PARD3B: variants seen among roughly 807,000 people sequenced by gnomAD.
PARD3B encodes partitioning defective 3 homolog B.
PARD3B carries 103 observed loss-of-function variants against 130.2 expected under a neutral mutation model. The observed-to-expected ratio is 0.79, with a 90% confidence interval of 0.67 to 0.93. The LOEUF (loss-of-function observed/expected upper bound fraction) is 0.93, where lower values mean the gene tolerates loss of function less well. Among genes scored for constraint, PARD3B ranks in the 40% least tolerant of loss-of-function variants. The pLI, the probability that PARD3B is intolerant of heterozygous loss-of-function variation, is 0.00. For missense variants in PARD3B, 1,609 were observed against 1,499.2 expected (o/e 1.07, Z -1.21); for synonymous variants, 583 against 553.2 (o/e 1.05, Z -0.76).
rs2289023 is a variant in PARD3B at position 205,121,597 on chromosome 2, A to G, written c.813A>G (p.Gln271=). The change falls in exon 8 of 23, where the codon CAA becomes CAG. Residue 271 remains glutamine (Q), a synonymous_variant. Transcript: ENST00000406610. The surrounding 1 kb of genome is among the most constrained non-coding windows in gnomAD (Gnocchi z 5.0). ...TTATCAACTTTCTTTCCAGGGCTCA[A>G]GATGTCTTCCGCCAGGCAATGAAAT... The part of the protein sequence containing the change: ...DLVDKTFAQA[Q]DVFRQAMKSP... 0.24 allele frequency: 385,152 copies of G among 1,611,292 alleles called. 49,022 individuals carry two copies. The highest frequency in any genetic ancestry group is 0.4 in the East Asian group (17,992 of 44,782).
Position 205,288,729 on chromosome 2 carries a change from A to G in PARD3B, c.2186-11801A>G, listed in dbSNP as rs1186963870. Among the ~76,000 whole-genome samples the G allele has an allele frequency of 2.0e-5, 3 of 152,002 alleles. No individual in the cohort carries two copies. The highest frequency in any genetic ancestry group is 4.4e-5 in the Non-Finnish European group (3 of 68,004). On this transcript the variant is annotated intron_variant, in intron 16 of 22. Transcript: ENST00000406610. The surrounding 1 kb of genome is among the most constrained non-coding windows in gnomAD (Gnocchi z 4.0). The stretch of plus-strand genomic sequence containing the variant: ...AGGAGACGTGTTTGGACTTTTCCTC[A>G]TGCCTTTTCCTCTAAGTGGTGTGCC...
At chr2:205,298,019 T>C (rs1035798356) in intron 16 of PARD3B, among the ~76,000 whole-genome samples, 6 of 152,178 alleles carry the variant, frequency 3.9e-5, no homozygotes, top group African/African-American at 1.4e-4. Flanking sequence ...GAGCTTCACA[T>C]GAGCTCCTTT....
chr2:205,102,610 A>G (rs549726250), intron 4 of PARD3B, among the ~76,000 whole-genome samples: 2 of 152,288 alleles, frequency 1.3e-5, no homozygotes, highest in East Asian at 3.9e-4. Context: ...CATGAAAAGG[A>G]GAAAATTAAT....
At chr2:205,186,626 A>G (rs1236921057) in intron 14 of PARD3B, among the ~76,000 whole-genome samples, 2 of 152,154 alleles carry the variant, frequency 1.3e-5, no homozygotes, top group Non-Finnish European at 2.9e-5. Flanking sequence ...GTTTTTTAAT[A>G]CAGTCTGCTA....
At chr2:204,671,825 C>T (rs529230604) in intron 1 of PARD3B, among the ~76,000 whole-genome samples, 1 of 152,036 alleles carries the variant, frequency 6.6e-6, no homozygotes, top group South Asian at 2.1e-4. Context: ...AAATAAAGAC[C>T]CACAGTCATC....
chr2:205,552,576 T>A (rs1487987000), intron 21 of PARD3B, among the ~76,000 whole-genome samples: 1 of 151,872 alleles, frequency 6.6e-6, no homozygotes, highest in Non-Finnish European at 1.5e-5. Context: ...ACCCGGCTAA[T>A]TTTTGTATCT....
chr2:205,354,295 C>G (rs1457456171), intron 18 of PARD3B, among the ~76,000 whole-genome samples: 1 of 151,878 alleles, frequency 6.6e-6, no homozygotes, highest in Non-Finnish European at 1.5e-5. Flanking sequence ...AGTTACCGGT[C>G]AGGGAACCAA....
At position 205,010,528 on chromosome 2, in the gene PARD3B, G is replaced by A. The variant is rs188828428; in HGVS notation, c.395-37053G>A. On this transcript the variant is annotated intron_variant, in intron 3 of 22. Coordinates refer to ENST00000406610, the MANE Select transcript of PARD3B (RefSeq NM_001302769.2). ...TAGCTTTCTAAGAAAGATTACATGA[G>A]AGCAAACACTTTCTGAGACCTTTTA... Among the ~76,000 whole-genome samples, 497 of 152,292 alleles carry A rather than the reference G, an allele frequency of 3.3e-3. 1 individual carries two copies. The highest frequency in any genetic ancestry group is 6.2e-3 in the Non-Finnish European group (420 of 68,032).
At chr2:204,839,544 T>C (rs990373138) in intron 2 of PARD3B, among the ~76,000 whole-genome samples, 2 of 152,178 alleles carry the variant, frequency 1.3e-5, no homozygotes, top group East Asian at 3.9e-4. Context: ...GATGTGGCCA[T>C]GCACTCGAAA....
At position 205,144,809 on chromosome 2, in the gene PARD3B, C is replaced by T. The variant is rs2033230309; in HGVS notation, c.1435-13913C>T. Among the ~76,000 whole-genome samples the T allele has an allele frequency of 1.3e-5, 2 of 151,986 alleles. 1 individual carries two copies. The highest frequency in any genetic ancestry group is 4.2e-4 in the South Asian group (2 of 4,806). ...CAGCATACTAAAGGGGATTGGTATC[C>T]AGCAGGAATCACATTAGATGCAATT... On this transcript the variant is annotated intron_variant, in intron 10 of 22. Transcript: ENST00000406610.
At chr2:205,307,074 G>T (rs925471204) in intron 18 of PARD3B, among the ~76,000 whole-genome samples, 1 of 152,194 alleles carries the variant, frequency 6.6e-6, no homozygotes, top group Non-Finnish European at 1.5e-5. Flanking sequence ...GGTGAATGAA[G>T]ATTTAAATCC....
intron 2 of PARD3B, among the ~76,000 whole-genome samples, chr2:204,873,168 C>A (rs908073668): frequency 6.6e-6 from 1 of 152,176 alleles, no homozygotes; most frequent in African/African-American, 2.4e-5. Flanking sequence ...ATAAGAAGGA[C>A]AGACACTAAA....
chr2:204,632,301 C>T (rs1267917403), intron 1 of PARD3B, among the ~76,000 whole-genome samples: 1 of 152,072 alleles, frequency 6.6e-6, no homozygotes. Flanking sequence ...TCAATTAAAC[C>T]TCTTTCCTTT....
chr2:205,033,307 A>G (rs1215970649), intron 3 of PARD3B, among the ~76,000 whole-genome samples: 1 of 152,204 alleles, frequency 6.6e-6, no homozygotes, highest in Admixed American at 6.6e-5. Flanking sequence ...ATTTTAGTCA[A>G]GGTATTTCAT....
At chr2:204,553,284 A>G (rs1371867891) in intron 1 of PARD3B, among the ~76,000 whole-genome samples, 4 of 152,150 alleles carry the variant, frequency 2.6e-5, no homozygotes, top group East Asian at 1.9e-4. Context: ...TGTGGTGAAC[A>G]GTGAACACTT....
intron 1 of PARD3B, among the ~76,000 whole-genome samples, chr2:204,613,569 C>G (rs1324396351): frequency 1.3e-5 from 2 of 152,052 alleles, no homozygotes; most frequent in Non-Finnish European, 2.9e-5. Flanking sequence ...TTCTGGAGCA[C>G]TCTTCTAATT....
chr2:204,824,585 A>G (rs2043496414), intron 2 of PARD3B, among the ~76,000 whole-genome samples: 1 of 152,136 alleles, frequency 6.6e-6, no homozygotes, highest in Admixed American at 6.5e-5. Context: ...GAACTTCTCC[A>G]TCACATAGTC....
chr2:205,077,337 C>A (rs1319306649), intron 4 of PARD3B, among the ~76,000 whole-genome samples: 1 of 152,110 alleles, frequency 6.6e-6, no homozygotes, highest in Non-Finnish European at 1.5e-5. Flanking sequence ...TTGAGAGTGT[C>A]AGAAAACTTC....
At chr2:204,743,682 T>C (rs2040103151) in intron 2 of PARD3B, among the ~76,000 whole-genome samples, 1 of 152,176 alleles carries the variant, frequency 6.6e-6, no homozygotes, top group South Asian at 2.1e-4. Flanking sequence ...CAAGTTTTTT[T>C]TTCCACTTAC....
Sources: gnomAD v4.1 joint callset for allele counts (sites outside exome capture counted in the v4.1 genomes callset) on GRCh38, gnomAD v4.1.1 for gene constraint, Gnocchi (gnomAD v3.1) non-coding constraint, MANE v1.5 for transcripts, NCBI Gene and HGNC (gene_info 2026-07-23, HGNC 2026-07-21) for gene names.